KCNT2: variants seen among roughly 807,000 people sequenced by gnomAD.
KCNT2 encodes the protein potassium channel subfamily T member 2.
Under a neutral mutation model 153.8 loss-of-function variants are expected in KCNT2, and 67 were observed. The observed-to-expected ratio is 0.44, with a 90% CI of 0.36 to 0.53. The LOEUF (loss-of-function observed/expected upper bound fraction) is 0.53, where lower values mean the gene tolerates loss of function less well. KCNT2 is among the 20% of genes least tolerant of loss of function. KCNT2 has a pLI of 0.00. For missense variants in KCNT2, 975 were observed against 1,354.8 expected, an observed-to-expected ratio of 0.72 and a Z score of 4.40; for synonymous variants, 500 against 458.8, an observed-to-expected ratio of 1.09 and a Z score of -1.15.
chr1:196,333,121 T>A (rs1224089357), intron 17 of KCNT2, among the ~76,000 whole-genome samples: 1 of 151,712 alleles, frequency 6.6e-6, no homozygotes, highest in Non-Finnish European at 1.5e-5. Flanking sequence ...TTTGTTTGTT[T>A]AATTAAAGTC....
At chr1:196,498,047 C>T (rs745529914) in intron 1 of KCNT2, among the ~76,000 whole-genome samples, 1 of 152,080 alleles carries the variant, frequency 6.6e-6, no homozygotes, top group East Asian at 1.9e-4. Flanking sequence ...ATGATATCAA[C>T]TACCTTAATG....
At chr1:196,409,664 G>A (rs1410864701) in intron 12 of KCNT2, among the ~76,000 whole-genome samples, 1 of 151,360 alleles carries the variant, frequency 6.6e-6, no homozygotes, top group South Asian at 2.1e-4. Flanking sequence ...TAGGTCTATT[G>A]GCAGTATAAA....
chr1:196,368,235 G>A (rs1284588294), intron 14 of KCNT2, among the ~76,000 whole-genome samples: 3 of 152,084 alleles, frequency 2.0e-5, no homozygotes, highest in African/African-American at 7.2e-5. Flanking sequence ...ACTTCCTAAG[G>A]AATAAATGAT....
chr1:196,356,734 C>T (rs1667205368), intron 14 of KCNT2, among the ~76,000 whole-genome samples: 1 of 151,706 alleles, frequency 6.6e-6, no homozygotes, highest in African/African-American at 2.4e-5. Context: ...TTTCAATGTT[C>T]TGACTCTAGT....
intron 1 of KCNT2, among the ~76,000 whole-genome samples, chr1:196,510,300 A>C (rs576242073): frequency 2.0e-5 from 3 of 152,288 alleles, no homozygotes; most frequent in Non-Finnish European, 2.9e-5. Flanking sequence ...CACTATGCAG[A>C]GCACATAGCC....
intron 19 of KCNT2, among the ~76,000 whole-genome samples, chr1:196,322,689 T>C (rs2148052859): frequency 6.6e-6 from 1 of 152,004 alleles, no homozygotes; most frequent in South Asian, 2.1e-4. Context: ...AGGCCATTAT[T>C]TTGTTCCCAT....
intron 27 of KCNT2, among the ~76,000 whole-genome samples, chr1:196,229,495 T>C (rs1653764600): frequency 6.6e-6 from 1 of 152,032 alleles, no homozygotes; most frequent in Non-Finnish European, 1.5e-5. Flanking sequence ...TAAAGTTAGA[T>C]TAGTTAATAA....
chr1:196,369,078 G>A (rs566824090), intron 14 of KCNT2, among the ~76,000 whole-genome samples: 5 of 151,778 alleles, frequency 3.3e-5, no homozygotes, highest in African/African-American at 7.2e-5. Context: ...CTTACCCCTC[G>A]ATTATTACTG....
At chr1:196,569,872 T>C (rs1453873828) in intron 1 of KCNT2, among the ~76,000 whole-genome samples, 1 of 152,100 alleles carries the variant, frequency 6.6e-6, no homozygotes, top group East Asian at 1.9e-4. Flanking sequence ...GAAATTTCTA[T>C]TAAAAATAAA....
At chr1:196,349,785 C>T (rs970870847) in intron 14 of KCNT2, among the ~76,000 whole-genome samples, 115 of 151,754 alleles carry the variant, frequency 7.6e-4, no homozygotes, top group African/African-American at 2.7e-3. Context: ...TATACATGTG[C>T]CACGCTGGTG....
chr1:196,473,114 T>C (rs910529190), intron 5 of KCNT2, among the ~76,000 whole-genome samples: 6 of 152,196 alleles, frequency 3.9e-5, no homozygotes, highest in Non-Finnish European at 7.3e-5. Context: ...CTTTTGCATA[T>C]AACTCTTAAA....
chr1:196,257,568 T>C, intron 26 of KCNT2: 8 of 924,120 alleles, frequency 8.7e-6, no homozygotes, highest in Non-Finnish European at 1.0e-5. Flanking sequence ...AAATGATATA[T>C]TTTAAATGTA....
chr1:196,237,299 T>C (rs1654532056), intron 26 of KCNT2, among the ~76,000 whole-genome samples: 1 of 151,754 alleles, frequency 6.6e-6, no homozygotes, highest in Admixed American at 6.6e-5. Flanking sequence ...GTATTTCAAG[T>C]TGATATGGAG....
intron 25 of KCNT2, among the ~76,000 whole-genome samples, chr1:196,277,184 T>C (rs570033526): frequency 6.6e-6 from 1 of 152,158 alleles, no homozygotes; most frequent in Non-Finnish European, 1.5e-5. Context: ...CTTCCTGAAC[T>C]TCATATTATA....
chr1:196,453,773 C>T (rs1303858635), intron 8 of KCNT2, among the ~76,000 whole-genome samples: 25 of 151,874 alleles, frequency 1.6e-4, no homozygotes, highest in Admixed American at 1.4e-3. Flanking sequence ...TAGTTTTTAT[C>T]GGTACTCAAC....
intron 12 of KCNT2, among the ~76,000 whole-genome samples, chr1:196,422,761 T>C (rs1168263094): frequency 2.0e-5 from 3 of 151,912 alleles, no homozygotes; most frequent in Non-Finnish European, 4.4e-5. Flanking sequence ...CAAAACTACA[T>C]ATCATAAGAC....
chr1:196,268,320 T>G (rs1473779364), intron 25 of KCNT2, among the ~76,000 whole-genome samples: 1 of 152,150 alleles, frequency 6.6e-6, no homozygotes, highest in African/African-American at 2.4e-5. Context: ...CCTACACATT[T>G]AAGACCATAA....
intron 1 of KCNT2, among the ~76,000 whole-genome samples, chr1:196,572,822 G>C (rs757318819): frequency 6.6e-5 from 10 of 152,036 alleles, no homozygotes; most frequent in Non-Finnish European, 1.3e-4. Flanking sequence ...AGCTTTTATG[G>C]AGTAAGAATG....
chr1:196,506,024 T>C (rs1460826572), intron 1 of KCNT2, among the ~76,000 whole-genome samples: 1 of 152,200 alleles, frequency 6.6e-6, no homozygotes, highest in Non-Finnish European at 1.5e-5. Flanking sequence ...TCATGTCATC[T>C]GCAAACAGGG....
Sources: gnomAD v4.1 joint callset for allele counts (sites outside exome capture counted in the v4.1 genomes callset) on GRCh38, gnomAD v4.1.1 for gene constraint, MANE v1.5 for transcripts, NCBI Gene and HGNC (gene_info 2026-07-23, HGNC 2026-07-21) for gene names.